GLRA2: variants seen among roughly 807,000 people sequenced by gnomAD.
The protein encoded by GLRA2 is glycine receptor subunit alpha-2.
In GLRA2, 11 loss-of-function variants were observed where a neutral mutation model predicts 31.6. That is an observed-to-expected ratio of 0.35 (90% CI 0.22 to 0.58). The LOEUF (loss-of-function observed/expected upper bound fraction) is 0.58. Ranked by LOEUF, GLRA2 falls within the 20% of genes least tolerant of loss-of-function variation. GLRA2 has a pLI of 0.84. For missense variants in GLRA2, 212 were observed against 351.8 expected (o/e 0.60, Z 3.18); for synonymous variants, 132 against 134.0 (o/e 0.99, Z 0.10).
At chrX:14,462,746 A>G in the GLRA2 span, among the ~76,000 whole-genome samples, 1 of 111,667 alleles carries the variant, frequency 9.0e-6, no homozygotes, top group African/African-American at 3.3e-5. Flanking sequence ...CCATTCATTT[A>G]ACCTTTTTTC....
At chrX:14,667,796 C>T (rs1299707312) in intron 7 of GLRA2, among the ~76,000 whole-genome samples, 4 of 111,480 alleles carry the variant, frequency 3.6e-5, no homozygotes, top group Non-Finnish European at 5.6e-5. Context: ...TCTTTTTTAT[C>T]TATCTATATT....
chrX:14,472,720 T>C, the GLRA2 span, among the ~76,000 whole-genome samples: 2 of 111,679 alleles, frequency 1.8e-5, no homozygotes, highest in African/African-American at 6.5e-5. Flanking sequence ...CTAGGTATGT[T>C]TGGTCAAATA....
intron 8 of GLRA2, among the ~76,000 whole-genome samples, chrX:14,693,002 C>T (rs1468937350): frequency 1.8e-5 from 2 of 109,231 alleles, no homozygotes; most frequent in African/African-American, 6.7e-5. Flanking sequence ...TGTAACTAAC[C>T]TGCACATTGT....
At chrX:14,686,385 C>T (rs1302789268) in intron 7 of GLRA2, among the ~76,000 whole-genome samples, 73 of 111,312 alleles carry the variant, frequency 6.6e-4, no homozygotes, top group Non-Finnish European at 1.2e-3. Flanking sequence ...CTTTCTGTCT[C>T]GTTGACCTTT....
the GLRA2 span, among the ~76,000 whole-genome samples, chrX:14,490,816 A>G: frequency 3.6e-5 from 4 of 111,994 alleles, no homozygotes; most frequent in Non-Finnish European, 7.5e-5. Flanking sequence ...ATTGCCTTCT[A>G]TCACCTACAT....
intron 7 of GLRA2, among the ~76,000 whole-genome samples, chrX:14,681,915 A>ATATATATATATATATATATG (rs1569521066): frequency 4.9e-5 from 4 of 81,749 alleles, no homozygotes; most frequent in Non-Finnish European, 7.3e-5. Flanking sequence ...AAAAAAATAT[A>ATATATATATATATATATATG]TATATATATA....
At chrX:14,719,750 A>G (rs1420900651) in intron 8 of GLRA2, among the ~76,000 whole-genome samples, 1 of 112,083 alleles carries the variant, frequency 8.9e-6, no homozygotes, top group African/African-American at 3.2e-5. Flanking sequence ...CTGCACTCCC[A>G]TATTTACTGC....
chrX:14,496,941 A>G, the GLRA2 span, among the ~76,000 whole-genome samples: 1 of 111,775 alleles, frequency 8.9e-6, no homozygotes. Context: ...CAGAGCATCA[A>G]AGTCCTAGAA....
chrX:14,508,730 C>T, the GLRA2 span, among the ~76,000 whole-genome samples: 2 of 111,698 alleles, frequency 1.8e-5, no homozygotes, highest in Admixed American at 9.5e-5. Context: ...GGCATTCAAT[C>T]AAATATTTGT....
At chrX:14,651,180 G>C (rs1445007966) in intron 7 of GLRA2, among the ~76,000 whole-genome samples, 1 of 111,671 alleles carries the variant, frequency 9.0e-6, no homozygotes, top group African/African-American at 3.3e-5. Context: ...ACCACACCAA[G>C]ACATTTATCA....
At chrX:14,483,398 T>C in the GLRA2 span, among the ~76,000 whole-genome samples, 1 of 112,224 alleles carries the variant, frequency 8.9e-6, no homozygotes, top group Admixed American at 9.5e-5. Flanking sequence ...TATACCTCAA[T>C]TTCCTTATTT....
the GLRA2 span, among the ~76,000 whole-genome samples, chrX:14,450,257 T>C: frequency 2.7e-5 from 3 of 112,280 alleles, no homozygotes; most frequent in Non-Finnish European, 5.6e-5. Flanking sequence ...CCTGCAGACA[T>C]ACTCCACAAC....
At chrX:14,711,281 G>A (rs2091705945) in intron 8 of GLRA2, among the ~76,000 whole-genome samples, 1 of 112,355 alleles carries the variant, frequency 8.9e-6, no homozygotes, top group Non-Finnish European at 1.9e-5. Flanking sequence ...TGTCCTGTTT[G>A]TATCTCATAA....
intron 7 of GLRA2, among the ~76,000 whole-genome samples, chrX:14,667,792 TTATC>T (rs2091050067): frequency 1.8e-5 from 2 of 111,880 alleles, no homozygotes; most frequent in Non-Finnish European, 3.8e-5. Flanking sequence ...CTCATCTTTT[TTATC>T]TATCTATATT....
upstream of GLRA2, among the ~76,000 whole-genome samples, chrX:14,527,665 T>C (rs1361139052): frequency 9.0e-6 from 1 of 111,313 alleles, no homozygotes; most frequent in Non-Finnish European, 1.9e-5. Context: ...TATTTAAGCA[T>C]CGTTACAACC....
intron 7 of GLRA2, among the ~76,000 whole-genome samples, chrX:14,624,103 T>G (rs769227518): frequency 1.8e-5 from 2 of 112,002 alleles, no homozygotes; most frequent in South Asian, 7.5e-4. Context: ...GAGTAATTTA[T>G]CCATTTCTTC....
chrX:14,622,804 C>T (rs148942924), intron 7 of GLRA2, among the ~76,000 whole-genome samples: 31,578 of 110,848 alleles, frequency 0.28, 3,615 homozygotes, highest in African/African-American at 0.41. Flanking sequence ...TCCAGCTTTA[C>T]TCTTTTTGCT....
In GLRA2 at chrX:14,594,258, C is replaced by CT. The variant is rs749454298; in HGVS notation, c.495-10057_495-10056insT. On this transcript the variant is annotated intron_variant, in intron 4 of 8. Coordinates refer to ENST00000218075, the MANE Select transcript of GLRA2 (RefSeq NM_002063.4). ...GCATGCTTACACGTGTTCTCTTCCCCCTTTTTTTTAAAGTAAAATGAACTC... is the reference window on the plus strand; with the variant it reads ...GCATGCTTACACGTGTTCTCTTCCCCTCTTTTTTTTAAAGTAAAATGAACTC... Among the ~76,000 whole-genome samples, 144 of 110,993 alleles carry CT rather than the reference C, an allele frequency of 1.3e-3. 1 individual carries two copies. The highest frequency in any genetic ancestry group is 3.7e-3 in the African/African-American group (112 of 30,528).
At chrX:14,698,135 G>T (rs1231227797) in intron 8 of GLRA2, among the ~76,000 whole-genome samples, 2 of 111,337 alleles carry the variant, frequency 1.8e-5, no homozygotes, top group Non-Finnish European at 3.8e-5. Flanking sequence ...ACAAGTACAG[G>T]GTCAGATCCT....
Sources: gnomAD v4.1 joint callset for allele counts (sites outside exome capture counted in the v4.1 genomes callset) on GRCh38, gnomAD v4.1.1 for gene constraint, MANE v1.5 for transcripts, NCBI Gene and HGNC (gene_info 2026-07-23, HGNC 2026-07-21) for gene names.